The following LRRTM4 variants were observed in gnomAD, a reference collection of about 807,000 sequenced individuals.
LRRTM4 encodes leucine rich repeat transmembrane neuronal 4, also known as leucine-rich repeat transmembrane neuronal protein 4.
LRRTM4 carries 25 observed loss-of-function variants against 47.6 expected under a neutral mutation model. That is an observed-to-expected ratio of 0.53 (90% CI 0.38 to 0.73). The LOEUF is 0.73. Among genes scored for constraint, LRRTM4 ranks in the 30% least tolerant of loss-of-function variants. The pLI is 0.00. For synonymous variants in LRRTM4, 311 were observed against 269.5 expected, an observed-to-expected ratio of 1.15 and a Z score of -1.51; for missense variants, 638 against 713.4, an observed-to-expected ratio of 0.89 and a Z score of 1.20.
chr2:77,327,130 C>T (rs1231829748), intron 3 of LRRTM4, among the ~76,000 whole-genome samples: 2 of 152,144 alleles, frequency 1.3e-5, no homozygotes, highest in African/African-American at 4.8e-5. Flanking sequence ...TAGCTCTTCA[C>T]TTGGGCAAAA....
intron 3 of LRRTM4, among the ~76,000 whole-genome samples, chr2:76,995,936 A>T (rs989119995): frequency 2.0e-5 from 3 of 152,152 alleles, no homozygotes; most frequent in African/African-American, 7.2e-5. Context: ...AATACTATTT[A>T]AAAAACTCAG....
intron 3 of LRRTM4, among the ~76,000 whole-genome samples, chr2:77,448,450 T>G (rs888948198): frequency 2.0e-5 from 3 of 152,174 alleles, no homozygotes; most frequent in African/African-American, 7.2e-5. Flanking sequence ...CAGTTTGCAG[T>G]TTTGTATCTG....
chr2:76,951,181 T>C (rs1035349148), intron 3 of LRRTM4, among the ~76,000 whole-genome samples: 1 of 152,072 alleles, frequency 6.6e-6, no homozygotes, highest in African/African-American at 2.4e-5. Context: ...AGTAAACTTA[T>C]AAGCATCAAG....
At chr2:77,032,080 C>T (rs974957561) in intron 3 of LRRTM4, among the ~76,000 whole-genome samples, 1 of 152,148 alleles carries the variant, frequency 6.6e-6, no homozygotes, top group Non-Finnish European at 1.5e-5. Flanking sequence ...TTAACTTGGG[C>T]CTAGAATTTT....
intron 3 of LRRTM4, among the ~76,000 whole-genome samples, chr2:77,116,449 G>A (rs1030639179): frequency 2.0e-5 from 3 of 152,028 alleles, no homozygotes; most frequent in African/African-American, 7.2e-5. Flanking sequence ...TATAATTACT[G>A]CAGTAATAAA....
chr2:77,241,398 A>G (rs967058021), intron 3 of LRRTM4, among the ~76,000 whole-genome samples: 1 of 152,062 alleles, frequency 6.6e-6, no homozygotes, highest in African/African-American at 2.4e-5. Context: ...CTTGCACTCT[A>G]TGTAAACATT....
chr2:77,034,509 CTCCG>C (rs1678769969), intron 3 of LRRTM4, among the ~76,000 whole-genome samples: 1 of 151,860 alleles, frequency 6.6e-6, no homozygotes, highest in Admixed American at 6.6e-5. Context: ...CAGATTTTCT[CTCCG>C]TCTTCTATTT....
At chr2:77,497,961 A>C (rs1328103712) in intron 3 of LRRTM4, among the ~76,000 whole-genome samples, 1 of 151,874 alleles carries the variant, frequency 6.6e-6, no homozygotes, top group East Asian at 1.9e-4. Context: ...CAAAGTAATA[A>C]GAGAATCATT....
chr2:76,926,026 C>T (rs908669396), intron 3 of LRRTM4, among the ~76,000 whole-genome samples: 3 of 152,104 alleles, frequency 2.0e-5, no homozygotes, highest in Non-Finnish European at 4.4e-5. Context: ...TTCTTTCCAA[C>T]TGCTATGCTT....
At chr2:76,864,230 T>C (rs1672400603) in intron 3 of LRRTM4, among the ~76,000 whole-genome samples, 2 of 152,172 alleles carry the variant, frequency 1.3e-5, no homozygotes, top group Admixed American at 6.5e-5. Flanking sequence ...AGGTAGGACA[T>C]GGAATAGAGC....
chr2:77,076,484 G>T (rs1403510044), intron 3 of LRRTM4, among the ~76,000 whole-genome samples: 2 of 152,106 alleles, frequency 1.3e-5, no homozygotes, highest in East Asian at 3.9e-4. Flanking sequence ...ATAAAAAACA[G>T]ATATTACAGT....
intron 3 of LRRTM4, among the ~76,000 whole-genome samples, chr2:76,857,127 C>G (rs1345962649): frequency 1.3e-5 from 2 of 151,592 alleles, no homozygotes; most frequent in Non-Finnish European, 2.9e-5. Flanking sequence ...GACAGCAATA[C>G]CAACCCCTCC....
At chr2:76,924,504 A>G (rs1413155650) in intron 3 of LRRTM4, among the ~76,000 whole-genome samples, 5 of 151,994 alleles carry the variant, frequency 3.3e-5, no homozygotes, top group Admixed American at 3.3e-4. Flanking sequence ...TATTTAAAAG[A>G]TATTGCTAAA....
chr2:77,502,507 A>T (rs1170344692), intron 3 of LRRTM4, among the ~76,000 whole-genome samples: 1 of 151,632 alleles, frequency 6.6e-6, no homozygotes, highest in Admixed American at 6.6e-5. Flanking sequence ...TTCAAAGAAG[A>T]TATGTAATTA....
At chr2:76,834,910 T>C (rs548955062) in intron 3 of LRRTM4, among the ~76,000 whole-genome samples, 1 of 152,258 alleles carries the variant, frequency 6.6e-6, no homozygotes, top group East Asian at 1.9e-4. Flanking sequence ...CTGGAAAAGT[T>C]TGATCTTCCC....
chr2:77,373,079 TAAAA>T (rs34776298), intron 3 of LRRTM4, among the ~76,000 whole-genome samples: 18 of 133,396 alleles, frequency 1.3e-4, no homozygotes, highest in East Asian at 6.7e-4. Context: ...AACCAACAAT[TAAAA>T]AAAAAATATA....
At chr2:77,354,677 G>T (rs187700850) in intron 3 of LRRTM4, among the ~76,000 whole-genome samples, 131 of 152,190 alleles carry the variant, frequency 8.6e-4, no homozygotes, top group African/African-American at 3.0e-3. Context: ...TATGATGGGG[G>T]TCTCTAGGAC....
intron 3 of LRRTM4, among the ~76,000 whole-genome samples, chr2:77,216,942 G>A (rs1445479817): frequency 1.3e-5 from 2 of 151,970 alleles, no homozygotes; most frequent in South Asian, 2.1e-4. Context: ...GCGTGGTGGA[G>A]GGCACCTGTA....
rs370741045 is a variant in LRRTM4, at chr2:77,446,542, G to T, written c.1551+71776C>A. Among the ~76,000 whole-genome samples, 493 of 152,100 alleles carry T rather than the reference G, an allele frequency of 3.2e-3. 3 individuals carry two copies. The highest frequency in any genetic ancestry group is 0.011 in the African/African-American group (476 of 41,522). On this transcript the variant is annotated intron_variant, in intron 3 of 3. Transcript: ENST00000409884. ...TTACAACTAACTTAGTACCATCAGC[G>T]ATTTGCAATAATTAGCCCTTTGTGG...
Sources: allele counts gnomAD v4.1 joint callset (sites outside exome capture counted in the v4.1 genomes callset), GRCh38; gene constraint gnomAD v4.1.1; transcripts MANE v1.5; gene names NCBI Gene and HGNC (gene_info 2026-07-23, HGNC 2026-07-21).